Variants in PPP1R12B observed in about 807,000 individuals in gnomAD.
PPP1R12B encodes the protein protein phosphatase 1 regulatory subunit 12B.
PPP1R12B carries 76 observed loss-of-function variants against 126.1 expected under a neutral mutation model. That is an observed-to-expected ratio of 0.60 (90% confidence interval 0.50 to 0.73). The LOEUF is 0.73. Ranked by LOEUF, PPP1R12B falls within the 30% of genes least tolerant of loss-of-function variation. The probability of loss-of-function intolerance (pLI) is 0.00; values close to 1 mark genes in which losing one functional copy is unlikely to be tolerated. For synonymous variants in PPP1R12B, 356 were observed against 434.7 expected (o/e 0.82, Z 2.25); for missense variants, 1,052 against 1,205.1 (o/e 0.87, Z 1.88).
intron 13 of PPP1R12B, among the ~76,000 whole-genome samples, chr1:202,468,847 G>T (rs1675447728): frequency 6.6e-6 from 1 of 152,078 alleles, no homozygotes; most frequent in African/African-American, 2.4e-5. Context: ...CTAGCTACTT[G>T]AGAGGCTGAG....
At chr1:202,547,024 T>G in intron 18 of PPP1R12B, among the ~76,000 whole-genome samples, 1 of 128,102 alleles carries the variant, frequency 7.8e-6, no homozygotes, top group South Asian at 3.2e-4. Context: ...GTTACGGTGA[T>G]GAGTTTCAGT....
intron 18 of PPP1R12B, among the ~76,000 whole-genome samples, chr1:202,505,316 T>G (rs1680687499): frequency 6.6e-6 from 1 of 152,058 alleles, no homozygotes. Flanking sequence ...TTTATGCTTC[T>G]TTGCCAGTGC....
intron 1 of PPP1R12B, among the ~76,000 whole-genome samples, chr1:202,387,047 A>G (rs576732446): frequency 1.3e-5 from 2 of 152,348 alleles, no homozygotes; most frequent in South Asian, 4.1e-4. Flanking sequence ...ATTGATGTTT[A>G]TATTTGCATG....
chr1:202,491,321 GTA>G (rs1453707810), intron 14 of PPP1R12B, among the ~76,000 whole-genome samples: 1 of 152,052 alleles, frequency 6.6e-6, no homozygotes, highest in Non-Finnish European at 1.5e-5. Flanking sequence ...GCTAATTTTT[GTA>G]TTTTTAGTAG....
chr1:202,525,913 G>A (rs1332102594), intron 18 of PPP1R12B, among the ~76,000 whole-genome samples: 3 of 152,194 alleles, frequency 2.0e-5, no homozygotes, highest in Non-Finnish European at 4.4e-5. Context: ...TGACCAGGCT[G>A]GTCTCAAACT....
chr1:202,521,617 A>G (rs1682798764), intron 18 of PPP1R12B, among the ~76,000 whole-genome samples: 1 of 152,208 alleles, frequency 6.6e-6, no homozygotes, highest in Non-Finnish European at 1.5e-5. Context: ...ATAGCTTAAG[A>G]GAAAATTACA....
intron 1 of PPP1R12B, among the ~76,000 whole-genome samples, chr1:202,403,748 T>C (rs1288179870): frequency 6.6e-6 from 1 of 152,252 alleles, no homozygotes; most frequent in African/African-American, 2.4e-5. Flanking sequence ...TAAGAGAAAT[T>C]AGCACTAGTT....
At chr1:202,527,100 A>G (rs1683426962) in intron 18 of PPP1R12B, among the ~76,000 whole-genome samples, 1 of 152,148 alleles carries the variant, frequency 6.6e-6, no homozygotes, top group Admixed American at 6.5e-5. Flanking sequence ...ATTAATGAAC[A>G]GAAAACAGAA....
At chr1:202,430,620 G>GT in intron 6 of PPP1R12B, 111 bp from the exon 7 acceptor site, 2 of 1,116,412 alleles carry the variant, frequency 1.8e-6, no homozygotes, top group Non-Finnish European at 2.6e-6. Flanking sequence ...TACCTCTTTG[G>GT]TGTTGGTCCT....
intron 23 of PPP1R12B, among the ~76,000 whole-genome samples, chr1:202,577,987 A>G (rs1689242138): frequency 6.6e-6 from 1 of 152,236 alleles, no homozygotes; most frequent in Admixed American, 6.5e-5. Flanking sequence ...TTATTTAACC[A>G]TTCTTTAACT....
At chr1:202,394,788 G>C (rs898516061) in intron 1 of PPP1R12B, among the ~76,000 whole-genome samples, 5 of 151,544 alleles carry the variant, frequency 3.3e-5, no homozygotes, top group African/African-American at 1.2e-4. Context: ...AAAGAAAAGA[G>C]AAAGGAGAAA....
intron 18 of PPP1R12B, among the ~76,000 whole-genome samples, chr1:202,557,514 G>A (rs1687075592): frequency 6.6e-6 from 1 of 152,204 alleles, no homozygotes; most frequent in East Asian, 1.9e-4. Context: ...CAATGTATGA[G>A]AATATACCAT....
Position 202,562,901 on chromosome 1 carries a change from C to T in PPP1R12B, c.2631C>T (p.Asp877=). 1 of 1,588,034 alleles carries T rather than the reference C, an allele frequency of 6.3e-7. No individual in the cohort carries two copies. The highest frequency in any genetic ancestry group is 8.5e-7 in the Non-Finnish European group (1 of 1,171,794). The change falls in exon 20 of 24, where the codon GAC becomes GAT. Residue 877 remains aspartate (D), a synonymous_variant. Transcript: ENST00000608999. The part of the protein sequence containing the change: ...LATLTSRVEE[D]SNRDYKKLYE... ...CCCTGACCAGCCGTGTAGAAGAAGA[C>T]AGCAACAGAGATTATAAAAAAGTAG...
chr1:202,460,457 G>A (rs1029924828), intron 13 of PPP1R12B, among the ~76,000 whole-genome samples: 3 of 151,260 alleles, frequency 2.0e-5, no homozygotes, highest in African/African-American at 7.3e-5. Flanking sequence ...TTTAAACTCT[G>A]AGTTATGGTT....
intron 18 of PPP1R12B, among the ~76,000 whole-genome samples, chr1:202,515,633 G>A (rs1267511846): frequency 3.3e-5 from 5 of 152,038 alleles, no homozygotes; most frequent in Non-Finnish European, 5.9e-5. Flanking sequence ...GTGTGATCAC[G>A]GGTCACTGCA....
At chr1:202,446,777 G>GT (rs111415656) in intron 12 of PPP1R12B, among the ~76,000 whole-genome samples, 194 of 143,912 alleles carry the variant, frequency 1.3e-3, no homozygotes, top group Non-Finnish European at 1.3e-3. Flanking sequence ...TAAGGTAAAG[G>GT]TTTTTTTTTT....
chr1:202,453,016 T>C (rs1673205503), intron 13 of PPP1R12B, among the ~76,000 whole-genome samples: 2 of 152,206 alleles, frequency 1.3e-5, no homozygotes, highest in Admixed American at 6.5e-5. Context: ...CAGCACTATA[T>C]TGAATAACAG....
chr1:202,572,495 C>A (rs1230931941), intron 23 of PPP1R12B, among the ~76,000 whole-genome samples: 1 of 152,146 alleles, frequency 6.6e-6, no homozygotes, highest in African/African-American at 2.4e-5. Context: ...CCTTTCTGGA[C>A]TTTTATTGGA....
In PPP1R12B at chr1:202,583,158, G is replaced by C. The variant is rs769800791; in HGVS notation, c.*2598G>C. The C allele has an allele frequency of 1.3e-5, 2 of 152,068 alleles. No homozygotes were observed. The highest frequency in any genetic ancestry group is 2.9e-5 in the Non-Finnish European group (2 of 68,010). 9.4% of individuals were successfully genotyped at this position (152,068 alleles called of 1,614,324 possible). On this transcript the variant is annotated 3_prime_UTR_variant, in exon 24 of 24. Coordinates refer to ENST00000608999, the MANE Select transcript of PPP1R12B (RefSeq NM_002481.4). ...AAGGTGTTGACTAATTGATTATCCT[G>C]GAACATTTTGAATATTGGGGAAGGA...
Sources: allele counts gnomAD v4.1 joint callset (sites outside exome capture counted in the v4.1 genomes callset), GRCh38; gene constraint gnomAD v4.1.1; transcripts MANE v1.5; gene names NCBI Gene and HGNC (gene_info 2026-07-23, HGNC 2026-07-21).